STK10: variants seen among roughly 807,000 people sequenced by gnomAD.
STK10 encodes serine/threonine kinase 10, also known as serine/threonine-protein kinase 10.
STK10 carries 78 observed loss-of-function variants against 113.8 expected under a neutral mutation model. That is an observed-to-expected ratio of 0.69 (90% CI 0.57 to 0.83). The LOEUF (loss-of-function observed/expected upper bound fraction) is 0.83, where lower values mean the gene tolerates loss of function less well. STK10 is among the 40% of genes least tolerant of loss of function. The pLI is 0.00. For synonymous variants in STK10, 465 were observed against 494.7 expected (o/e 0.94, Z 0.80); for missense variants, 1,109 against 1,280.1 (o/e 0.87, Z 2.04).
At chr5:172,069,057 A>AACACAC (rs148550014) in intron 12 of STK10, among the ~76,000 whole-genome samples, 1 of 151,616 alleles carries the variant, frequency 6.6e-6, no homozygotes, top group African/African-American at 2.4e-5. Context: ...ATTAAACACA[A>AACACAC]ACACACACAC....
At chr5:172,118,597 G>A (rs1207122533) in intron 3 of STK10, among the ~76,000 whole-genome samples, 2 of 152,040 alleles carry the variant, frequency 1.3e-5, no homozygotes, top group Non-Finnish European at 2.9e-5. Flanking sequence ...ATGTCCACTG[G>A]GGCCAGACGC....
At chr5:172,098,864 T>TCAC (rs1291889675) in intron 7 of STK10, among the ~76,000 whole-genome samples, 1 of 151,776 alleles carries the variant, frequency 6.6e-6, no homozygotes, top group South Asian at 2.1e-4. Context: ...ATCATCATCA[T>TCAC]CACCACCACC....
rs1767421535 is a variant in STK10, at chr5:172,043,324, A to C, written c.*1558T>G. On this transcript the variant is annotated 3_prime_UTR_variant, in exon 19 of 19. Transcript: ENST00000176763. The stretch of plus-strand genomic sequence containing the variant: ...TGGCCAGGCTAGTCTCGAACTCCTC[A>C]CCTCAGGTGAGTCACCATGCCCGGC... 1 of 152,004 alleles carries C rather than the reference A, an allele frequency of 6.6e-6. No homozygotes were observed. Among genetic ancestry groups the C allele is most frequent in the Non-Finnish European group, 1.5e-5 (1 of 68,014 alleles). 9.4% of individuals were successfully genotyped at this position (152,004 alleles called of 1,614,324 possible). A position where few individuals can be genotyped will look rare whatever the true frequency, so the allele number is the denominator to read the frequency against.
rs575476687 is a variant in STK10, at chr5:172,083,398, A to C, written c.1686-314T>G. On this transcript the variant is annotated intron_variant, in intron 10 of 18. Transcript: ENST00000176763. ...AGAATCACCTATATAGATATAAAAT[A>C]CAAATGAAAAAGAAACTATAATTTC... 6.1e-4 allele frequency among the ~76,000 whole-genome samples: 93 copies of C among 152,334 alleles called. 1 individual carries two copies. Among genetic ancestry groups the C allele is most frequent in the African/African-American group, 2.0e-3 (84 of 41,586 alleles).
rs747231054 is a variant in STK10 at position 172,117,499 on chromosome 5, C to T, written c.502G>A (p.Glu168Lys). The change falls in exon 4 of 19, where the codon GAG becomes AAG. Residue 168 changes from glutamate (E) to lysine (K), a missense_variant. Physicochemically the swap from Glu to Lys is moderately conservative, Grantham distance 56. Coordinates refer to ENST00000176763, the MANE Select transcript of STK10 (RefSeq NM_005990.4). The stretch of plus-strand genomic sequence containing the variant: ...CCCTTACCCAGCCTGATGTCTCCCT[C>T]GAGGGTCATCAGCACGTTGCCAGCT... Reference protein sequence around the residue: ...LKAGNVLMTLEGDIRLADFGV... With the variant: ...LKAGNVLMTLKGDIRLADFGV... 22 of 1,612,054 alleles carry T rather than the reference C, an allele frequency of 1.4e-5. No individual in the cohort carries two copies. The highest frequency in any genetic ancestry group is 1.8e-5 in the Non-Finnish European group (21 of 1,179,916).
chr5:172,134,460 T>A (rs1769813311), intron 2 of STK10, among the ~76,000 whole-genome samples: 1 of 152,118 alleles, frequency 6.6e-6, no homozygotes, highest in Non-Finnish European at 1.5e-5. Flanking sequence ...TAAATAAAAA[T>A]TTTGAGGACC....
Position 172,044,209 on chromosome 5 carries a change from C to T in STK10, c.*673G>A, listed in dbSNP as rs1001648428. ...ACGCGTATGTGTGTGCATTCACACCCATGTGCAGGAAGGGGGACGCGAGAT... is the reference window on the plus strand; with the variant it reads ...ACGCGTATGTGTGTGCATTCACACCTATGTGCAGGAAGGGGGACGCGAGAT... On this transcript the variant is annotated 3_prime_UTR_variant, in exon 19 of 19. Coordinates refer to ENST00000176763, the MANE Select transcript of STK10 (RefSeq NM_005990.4). The surrounding 1 kb of genome is among the most constrained non-coding windows in gnomAD (Gnocchi z 4.5). 6.5e-6 allele frequency: 1 copy of T among 154,946 alleles called. No homozygotes were observed. The highest frequency in any genetic ancestry group is 2.4e-5 in the African/African-American group (1 of 41,464). 9.6% of individuals were successfully genotyped at this position (154,946 alleles called of 1,614,324 possible). A position where few individuals can be genotyped will look rare whatever the true frequency, so the allele number is the denominator to read the frequency against.
chr5:172,046,798 G>A (rs1351018651), intron 18 of STK10, among the ~76,000 whole-genome samples: 1 of 152,194 alleles, frequency 6.6e-6, no homozygotes, highest in Non-Finnish European at 1.5e-5. Flanking sequence ...GAACGAGCAT[G>A]GCTGTGTTCC....
intron 2 of STK10, among the ~76,000 whole-genome samples, chr5:172,155,693 G>A (rs56225342): frequency 0.18 from 26,874 of 146,104 alleles, 2,447 homozygotes; most frequent in East Asian, 0.27. Flanking sequence ...GGAAGAATTA[G>A]AAAAAAAAAA....
chr5:172,119,118 C>G (rs986008648), intron 3 of STK10, among the ~76,000 whole-genome samples: 2 of 151,178 alleles, frequency 1.3e-5, no homozygotes, highest in Non-Finnish European at 3.0e-5. Flanking sequence ...CGCTGCAGAT[C>G]ACTCAGTGTC....
At chr5:172,057,964 T>C (rs965493178) in intron 14 of STK10, among the ~76,000 whole-genome samples, 1 of 152,180 alleles carries the variant, frequency 6.6e-6, no homozygotes, top group African/African-American at 2.4e-5. Flanking sequence ...AATGGCCTCT[T>C]GTCACTATTT....
intron 2 of STK10, among the ~76,000 whole-genome samples, chr5:172,146,407 A>G (rs1464034667): frequency 6.6e-6 from 1 of 152,132 alleles, no homozygotes; most frequent in Non-Finnish European, 1.5e-5. Context: ...ACCAGAGACA[A>G]CCCACTCCCA....
At chr5:172,074,136 A>C (rs1768259714) in intron 12 of STK10, among the ~76,000 whole-genome samples, 2 of 152,162 alleles carry the variant, frequency 1.3e-5, no homozygotes, top group Non-Finnish European at 2.9e-5. Flanking sequence ...TGATCTATGA[A>C]TTCAACTCAA....
intron 2 of STK10, among the ~76,000 whole-genome samples, chr5:172,139,640 T>C (rs1184219363): frequency 1.3e-5 from 2 of 151,942 alleles, no homozygotes; most frequent in Admixed American, 6.6e-5. Context: ...GAAAACTGGA[T>C]ATCCATGAAA....
chr5:172,074,874 C>G (rs1185490133), intron 12 of STK10, among the ~76,000 whole-genome samples: 1 of 152,056 alleles, frequency 6.6e-6, no homozygotes, highest in Non-Finnish European at 1.5e-5. Context: ...CAAAAATGAG[C>G]TAAGTGTGGT....
intron 7 of STK10, among the ~76,000 whole-genome samples, chr5:172,103,283 G>A (rs940439622): frequency 3.3e-5 from 5 of 152,382 alleles, no homozygotes; most frequent in Middle Eastern, 3.4e-3. Context: ...GAAAAGGCGC[G>A]TGGGTGAAGC....
rs572297603 is a variant in STK10, at chr5:172,137,766, G to A, written c.322-10345C>T. Reference sequence around the variant, plus strand: ...AAATTAGCCGGGCGTGGTGGCGGGCGCCTGTAGTCCCAGCTACTCGGGAGG... The same window carrying A: ...AAATTAGCCGGGCGTGGTGGCGGGCACCTGTAGTCCCAGCTACTCGGGAGG... On this transcript the variant is annotated intron_variant, in intron 2 of 18. Coordinates refer to ENST00000176763, the MANE Select transcript of STK10 (RefSeq NM_005990.4). 8.4e-4 allele frequency among the ~76,000 whole-genome samples: 126 copies of A among 149,690 alleles called. No homozygotes were observed. In the East Asian group the frequency reaches 8.9e-3, roughly 11 times the overall value.
In STK10 at chr5:172,082,617, T is replaced by C. The variant is rs1409913696; in HGVS notation, c.1810-112A>G. 4.5e-6 allele frequency: 6 copies of C among 1,345,354 alleles called. No individual in the cohort carries two copies. The highest frequency in any genetic ancestry group is 5.0e-6 in the Non-Finnish European group (5 of 1,002,524). 83.3% of individuals were successfully genotyped at this position (1,345,354 alleles called of 1,614,324 possible). The stretch of plus-strand genomic sequence containing the variant: ...GCTTGTGATCAGACCTAAGCTTGAA[T>C]CCCAGCTCTACTACCCCGTTGCTGT... On this transcript the variant is annotated intron_variant, in intron 11 of 18. Coordinates refer to ENST00000176763, the MANE Select transcript of STK10 (RefSeq NM_005990.4). The surrounding 1 kb of genome is among the most constrained non-coding windows in gnomAD (Gnocchi z 4.3).
intron 8 of STK10, among the ~76,000 whole-genome samples, chr5:172,094,348 A>C (rs1397941328): frequency 1.3e-5 from 2 of 151,760 alleles, no homozygotes; most frequent in Non-Finnish European, 2.9e-5. Flanking sequence ...TTTTAATTTT[A>C]ATTTTTTATT....
Sources: gnomAD v4.1 joint callset for allele counts (sites outside exome capture counted in the v4.1 genomes callset) on GRCh38, gnomAD v4.1.1 for gene constraint, Gnocchi (gnomAD v3.1) non-coding constraint, MANE v1.5 for transcripts, NCBI Gene and HGNC (gene_info 2026-07-23, HGNC 2026-07-21) for gene names.